The following APOD variants were observed in gnomAD, a reference collection of about 807,000 sequenced individuals.
APOD encodes the protein apo-D.
A neutral mutation model predicts 20.4 loss-of-function variants in APOD; 22 were observed. That is an observed-to-expected ratio of 1.08 (90% CI 0.77 to 1.54). The LOEUF (loss-of-function observed/expected upper bound fraction) is 1.54. Among genes scored for constraint, APOD ranks in the 40% most tolerant of loss-of-function variants. The pLI, the probability that APOD is intolerant of heterozygous loss-of-function variation, is 0.00. For missense variants in APOD, 223 were observed against 229.6 expected (o/e 0.97, Z 0.19); for synonymous variants, 97 against 92.4 (o/e 1.05, Z -0.29).
intron 3 of APOD, among the ~76,000 whole-genome samples, chr3:195,572,717 A>G (rs777514802): frequency 6.6e-6 from 1 of 152,192 alleles, no homozygotes; most frequent in Non-Finnish European, 1.5e-5. Flanking sequence ...ATGTGTTAGA[A>G]AGTCAGTAGG....
At chr3:195,572,596 A>G (rs1720179922) in intron 3 of APOD, among the ~76,000 whole-genome samples, 1 of 152,172 alleles carries the variant, frequency 6.6e-6, no homozygotes, top group Admixed American at 6.5e-5. Flanking sequence ...CACCAAAGGG[A>G]GGGTGCTAAG....
rs150503831 is a variant in APOD at position 195,571,340 on chromosome 3, C to T, written c.271G>A (p.Glu91Lys). 9.9e-6 allele frequency: 16 copies of T among 1,613,582 alleles called. No individual in the cohort carries two copies. Among genetic ancestry groups the T allele is most frequent in the South Asian group, 9.9e-5 (9 of 91,072 alleles). ...AGGTTAACTGGGGTGGCTTCACCTT[C>T]GATTTGATTCACAGTTCCATCAGCT... ...LRADGTVNQI[E>K]GEATPVNLTE... Residue 91 changes from glutamate (E) to lysine (K), a missense_variant, in exon 4 of 5, where the codon GAA (glutamate) becomes AAA (lysine). Transcript: ENST00000343267.
chr3:195,576,040 T>G (rs562277753), intron 2 of APOD, among the ~76,000 whole-genome samples: 118 of 152,328 alleles, frequency 7.7e-4, no homozygotes, highest in African/African-American at 2.8e-3. Flanking sequence ...TCCGCTCAAA[T>G]GTATGCCACA....
intron 4 of APOD, 25 bp downstream of exon 4, chr3:195,571,252 C>G (rs1335341574): frequency 6.2e-7 from 1 of 1,603,850 alleles, no homozygotes; most frequent in African/African-American, 1.3e-5. Flanking sequence ...GTCCCTGAAT[C>G]CTCCTGGGAA....
At chr3:195,579,747 C>G (rs1301287684) in intron 1 of APOD, among the ~76,000 whole-genome samples, 1 of 152,138 alleles carries the variant, frequency 6.6e-6, no homozygotes, top group Admixed American at 6.5e-5. Context: ...TGATTTTCAC[C>G]CCTGTCCCAC....
chr3:195,569,305 CTGAG>C (rs1458431495), intron 4 of APOD, among the ~76,000 whole-genome samples, 170 bp from the exon 5 acceptor site: 3 of 152,188 alleles, frequency 2.0e-5, no homozygotes, highest in Non-Finnish European at 2.9e-5. Flanking sequence ...AAAGCCTAGA[CTGAG>C]TGTTTCTGAC....
chr3:195,577,291 A>T, intron 2 of APOD: 1 of 248,800 alleles, frequency 4.0e-6, no homozygotes, highest in Non-Finnish European at 8.1e-6. Context: ...CATAAAACTT[A>T]TACTCTGAAA....
rs530837542 is a variant in APOD at position 195,568,974 on chromosome 3, T to C, written c.496A>G (p.Ile166Val). 3.1e-6 allele frequency: 5 copies of C among 1,614,188 alleles called. No individual in the cohort carries two copies. The African/African-American group carries it at 6.7e-5, about 22-fold the overall frequency. Residue 166 changes from isoleucine to valine, a missense_variant, in exon 5 of 5, where the codon ATC (isoleucine) becomes GTC (valine). Coordinates refer to ENST00000343267, the MANE Select transcript of APOD (RefSeq NM_001647.4). The part of the protein sequence containing the change: ...PPETVDSLKN[I>V]LTSNNIDVKK... The stretch of plus-strand genomic sequence containing the variant: ...ACATCAATGTTATTAGAAGTCAGGA[T>C]ATTTTTTAGAGAGTCCACTGTTTCT...
intron 1 of APOD, among the ~76,000 whole-genome samples, chr3:195,581,684 C>G (rs983270898): frequency 1.3e-5 from 2 of 152,206 alleles, no homozygotes; most frequent in South Asian, 4.1e-4. Flanking sequence ...AATAACCCCC[C>G]ACCTCTGTGA....
rs1021125808 is a variant in APOD, at chr3:195,571,108, A to T, written c.334+169T>A. 4.4e-6 allele frequency: 3 copies of T among 674,996 alleles called. No individual in the cohort carries two copies. In the African/African-American group the frequency reaches 5.3e-5, roughly 12 times the overall value. The allele number at this position is 674,996 out of a possible 1,614,324, so 41.8% of individuals were successfully genotyped here. On this transcript the variant is annotated intron_variant, in intron 4 of 4. Transcript: ENST00000343267. ...TACCAAGGCCAGCTCTGTCCGGCTC[A>T]TCATGGCAACCCTAGTGCGTGACAT...
chr3:195,569,027 A>T lies in APOD; in HGVS notation c.443T>A (p.Ile148Asn), dbSNP rs1442972482. ...IQLFHVDFAW[I>N]LARNPNLPPE... ...AGGGAGATTAGGGTTTCTTGCCAAG[A>T]TCCAAGCAAAATCCACGTGAAAAAG... is the stretch of plus-strand genomic sequence containing the variant. The change falls in exon 5 of 5, where the codon ATC becomes AAC. Residue 148 changes from isoleucine (I) to asparagine (N), a missense_variant. By Grantham distance (149) the Ile-to-Asn change is moderately radical (BLOSUM62 -3). Transcript: ENST00000343267. 2 of 1,614,186 alleles carry T rather than the reference A, an allele frequency of 1.2e-6. No homozygotes were observed. Among genetic ancestry groups the T allele is most frequent in the Admixed American group, 3.3e-5 (2 of 60,026 alleles).
chr3:195,573,747 G>C, intron 3 of APOD, 103 bp downstream of exon 3: 8 of 1,447,462 alleles, frequency 5.5e-6, no homozygotes, highest in Non-Finnish European at 7.5e-6. Context: ...AGGCAGTCCC[G>C]ATCCAGCAAG....
chr3:195,580,268 G>A (rs1320705233), intron 1 of APOD, among the ~76,000 whole-genome samples: 1 of 152,034 alleles, frequency 6.6e-6, no homozygotes, highest in Non-Finnish European at 1.5e-5. Flanking sequence ...CTGATACAGA[G>A]TAAATGCTCA....
At chr3:195,577,251 A>G (rs1720263918) in intron 2 of APOD, 1 of 289,954 alleles carries the variant, frequency 3.4e-6, no homozygotes, top group Non-Finnish European at 6.7e-6. Context: ...AAAAGAATAA[A>G]ATATTTGGGA....
intron 3 of APOD, among the ~76,000 whole-genome samples, chr3:195,572,190 C>T (rs1229196002): frequency 6.6e-6 from 1 of 152,216 alleles, no homozygotes; most frequent in African/African-American, 2.4e-5. Context: ...CTTCTTTGGG[C>T]CTCAGTGATA....
rs141428067 is a variant in APOD, at chr3:195,572,782, G to C, written c.245+1068C>G. Among the ~76,000 whole-genome samples, 530 of 152,176 alleles carry C rather than the reference G, an allele frequency of 3.5e-3. 1 individual carries two copies. The highest frequency in any genetic ancestry group is 0.012 in the African/African-American group (512 of 41,508). On this transcript the variant is annotated intron_variant, in intron 3 of 4. Coordinates refer to ENST00000343267, the MANE Select transcript of APOD (RefSeq NM_001647.4). ...ATCCCAGCACTTTGGGAGGCCAAGG[G>C]GGGGCGGATCACAAGGTCAGGAGAT...
intron 3 of APOD, 36 bp downstream of exon 3, chr3:195,573,814 C>T: frequency 1.2e-6 from 2 of 1,609,512 alleles, no homozygotes; most frequent in Non-Finnish European, 1.7e-6. Flanking sequence ...CATCAGCACT[C>T]CGCAGGCCTG....
At chr3:195,581,393 C>T (rs1720336446) in intron 1 of APOD, among the ~76,000 whole-genome samples, 2 of 152,208 alleles carry the variant, frequency 1.3e-5, no homozygotes, top group South Asian at 4.1e-4. Flanking sequence ...AAATTTGCAT[C>T]CATTTTAAAG....
chr3:195,576,581 G>A (rs1424442487), intron 2 of APOD, among the ~76,000 whole-genome samples: 17 of 152,150 alleles, frequency 1.1e-4, no homozygotes, highest in African/African-American at 3.1e-4. Flanking sequence ...AGGCCGAGGC[G>A]GGTGGATCAC....
Sources: allele counts gnomAD v4.1 joint callset (sites outside exome capture counted in the v4.1 genomes callset), GRCh38; gene constraint gnomAD v4.1.1; transcripts MANE v1.5; gene names NCBI Gene and HGNC (gene_info 2026-07-23, HGNC 2026-07-21).